TAF4B: variants seen among roughly 807,000 people sequenced by gnomAD.
TAF4B encodes the protein transcription initiation factor TFIID subunit 4B.
In TAF4B, 38 loss-of-function variants were observed where a neutral mutation model predicts 86.4. That is an observed-to-expected ratio of 0.44 (90% CI 0.34 to 0.58). The LOEUF is 0.58. Ranked by LOEUF, TAF4B falls within the 20% of genes least tolerant of loss-of-function variation. The probability of loss-of-function intolerance (pLI) is 0.02; values close to 1 mark genes in which losing one functional copy is unlikely to be tolerated. For missense variants in TAF4B, 988 were observed against 1,027.6 expected (o/e 0.96, Z 0.53); for synonymous variants, 388 against 391.2 (o/e 0.99, Z 0.10).
chr18:26,335,114 A>G, intron 12 of TAF4B, 61 bp from the exon 13 acceptor site: 3 of 1,161,134 alleles, frequency 2.6e-6, no homozygotes, highest in Non-Finnish European at 3.8e-6. Flanking sequence ...TAAATATTTA[A>G]TGGCAACTAT....
intron 12 of TAF4B, among the ~76,000 whole-genome samples, chr18:26,329,200 C>T (rs1008595349): frequency 1.3e-5 from 2 of 151,874 alleles, no homozygotes; most frequent in African/African-American, 2.4e-5. Context: ...TGGGACTACA[C>T]GCACACACCA....
chr18:26,240,619 A>C (rs1330826614), intron 1 of TAF4B, among the ~76,000 whole-genome samples: 2 of 152,090 alleles, frequency 1.3e-5, no homozygotes, highest in African/African-American at 4.8e-5. Context: ...TTCCAACACT[A>C]TGTTGAATAG....
intron 14 of TAF4B, among the ~76,000 whole-genome samples, chr18:26,381,627 T>C (rs1397686481): frequency 6.6e-6 from 1 of 151,774 alleles, no homozygotes. Flanking sequence ...CTCGAGAGGC[T>C]GAGACAGGGG....
At chr18:26,329,879 A>C (rs1304136045) in intron 12 of TAF4B, among the ~76,000 whole-genome samples, 1 of 152,132 alleles carries the variant, frequency 6.6e-6, no homozygotes, top group Non-Finnish European at 1.5e-5. Context: ...ATCACTGCTC[A>C]CTGCAGCCTT....
At chr18:26,233,839 G>T (rs926640728) in intron 1 of TAF4B, among the ~76,000 whole-genome samples, 1 of 152,132 alleles carries the variant, frequency 6.6e-6, no homozygotes, top group African/African-American at 2.4e-5. Flanking sequence ...AGTCCTCTCC[G>T]TGATAGTGCC....
Position 26,341,703 on chromosome 18 carries a change from A to G in TAF4B, c.2316+6472A>G, listed in dbSNP as rs1221252907. On this transcript the variant is annotated intron_variant, in intron 13 of 14. Coordinates refer to ENST00000269142, the MANE Select transcript of TAF4B (RefSeq NM_005640.3). ...ATAACCAGCCTTAGTGGTTGGGAGA[A>G]AAAAAAATAGATTCTAAACTGTTTG... Among the ~76,000 whole-genome samples the G allele has an allele frequency of 2.6e-5, 4 of 152,136 alleles. No individual in the cohort carries two copies. In the East Asian group the frequency reaches 7.7e-4, roughly 29 times the overall value.
At chr18:26,256,129 A>G (rs954267186) in intron 1 of TAF4B, 12 of 1,598,882 alleles carry the variant, frequency 7.5e-6, no homozygotes, top group Admixed American at 6.7e-5. Context: ...CATCTACCAC[A>G]TGATTCCAGT....
At chr18:26,258,365 C>T (rs1014155541) in intron 1 of TAF4B, among the ~76,000 whole-genome samples, 1 of 152,160 alleles carries the variant, frequency 6.6e-6, no homozygotes, top group Non-Finnish European at 1.5e-5. Context: ...TGCTTCTGAG[C>T]TACCATCTGA....
At chr18:26,272,965 C>A (rs1413022463) in intron 3 of TAF4B, among the ~76,000 whole-genome samples, 1 of 152,066 alleles carries the variant, frequency 6.6e-6, no homozygotes, top group Admixed American at 6.6e-5. Context: ...CTTTATTGTT[C>A]TAGTCCTCAT....
chr18:26,302,198 A>G (rs902904953), intron 9 of TAF4B, among the ~76,000 whole-genome samples: 14 of 151,766 alleles, frequency 9.2e-5, no homozygotes, highest in Non-Finnish European at 1.3e-4. Flanking sequence ...GTGTTTTGCA[A>G]TTTACTTTCT....
chr18:26,300,699 T>G (rs2144632796), intron 9 of TAF4B, among the ~76,000 whole-genome samples: 1 of 152,230 alleles, frequency 6.6e-6, no homozygotes, highest in South Asian at 2.1e-4. Context: ...AAAATACGTA[T>G]TATTCAGTTT....
At chr18:26,243,212 C>G (rs1458482107) in intron 1 of TAF4B, among the ~76,000 whole-genome samples, 2 of 152,316 alleles carry the variant, frequency 1.3e-5, no homozygotes, top group South Asian at 2.1e-4. Context: ...CCATCACTTT[C>G]AGGTACACCA....
chr18:26,324,358 C>T (rs1677002), intron 11 of TAF4B, among the ~76,000 whole-genome samples: 53,790 of 152,070 alleles, frequency 0.35, 11,591 homozygotes, highest in East Asian at 0.81. Flanking sequence ...GCAATCCACC[C>T]GCCTCGGCCT....
chr18:26,342,535 A>G (rs1033532257), intron 13 of TAF4B, among the ~76,000 whole-genome samples: 3 of 152,204 alleles, frequency 2.0e-5, no homozygotes, highest in African/African-American at 4.8e-5. Context: ...AAGTACGTCT[A>G]TTGAACGTTA....
chr18:26,354,746 G>T (rs1395434840), intron 13 of TAF4B, among the ~76,000 whole-genome samples: 1 of 152,130 alleles, frequency 6.6e-6, no homozygotes, highest in Non-Finnish European at 1.5e-5. Flanking sequence ...TCTCTGTTTT[G>T]TTCTGTTAAC....
Position 26,327,078 on chromosome 18 carries a change from G to T in TAF4B, c.2197G>T (p.Asp733Tyr). Residue 733 changes from aspartate (D) to tyrosine (Y), a missense_variant, in exon 12 of 15, where the codon GAT becomes TAT. Around this residue, in one of 3 missense-constraint regions of TAF4B, gnomAD observed 216 missense variants for 238.4 expected, o/e 0.91. Transcript: ENST00000269142. ...ACAGCTCAAATTTCTTGAAAAGCTGGATCAATTGGAGAAGCAGAGAAAGGA... is the reference window on the plus strand; with the variant it reads ...ACAGCTCAAATTTCTTGAAAAGCTGTATCAATTGGAGAAGCAGAGAAAGGA... ...RSQLKFLEKL[D>Y]QLEKQRKDLE... 6.2e-7 allele frequency: 1 copy of T among 1,613,688 alleles called. No homozygotes were observed. The highest frequency in any genetic ancestry group is 8.5e-7 in the Non-Finnish European group (1 of 1,179,896).
chr18:26,352,495 A>C (rs1302020735), intron 13 of TAF4B, among the ~76,000 whole-genome samples: 6 of 152,138 alleles, frequency 3.9e-5, no homozygotes, highest in Non-Finnish European at 5.9e-5. Context: ...TTCTTTGATC[A>C]ACAACATCGA....
intron 1 of TAF4B, among the ~76,000 whole-genome samples, chr18:26,257,943 T>G (rs550917174): frequency 6.6e-6 from 1 of 152,028 alleles, no homozygotes; most frequent in African/African-American, 2.4e-5. Flanking sequence ...ATTATTATGT[T>G]ACATAATTTT....
chr18:26,381,974 A>T (rs1394465889), intron 14 of TAF4B, among the ~76,000 whole-genome samples: 2 of 21,508 alleles, frequency 9.3e-5, no homozygotes, highest in Admixed American at 3.0e-4. Context: ...TTCATATTTC[A>T]TTCGAGTTAT....
Sources: allele counts gnomAD v4.1 joint callset (sites outside exome capture counted in the v4.1 genomes callset), GRCh38; gene constraint gnomAD v4.1.1; regional missense constraint gnomAD v4.1.1; transcripts MANE v1.5; gene names NCBI Gene and HGNC (gene_info 2026-07-23, HGNC 2026-07-21).